RBM45: variants seen among roughly 807,000 people sequenced by gnomAD.
RBM45 encodes the protein RNA binding motif protein 45, also known as RNA-binding protein 45.
A neutral mutation model predicts 58.5 loss-of-function variants in RBM45; 39 were observed. The observed-to-expected ratio is 0.67, with a 90% confidence interval of 0.52 to 0.87. The LOEUF (loss-of-function observed/expected upper bound fraction) is 0.87, where lower values mean the gene tolerates loss of function less well. RBM45 is among the 40% of genes least tolerant of loss of function. The pLI, the probability that RBM45 is intolerant of heterozygous loss-of-function variation, is 0.00. For synonymous variants in RBM45, 193 were observed against 203.0 expected (o/e 0.95, Z 0.42); for missense variants, 481 against 581.6 (o/e 0.83, Z 1.78).
At chr2:178,124,600 G>C (rs970891006) in intron 8 of RBM45, among the ~76,000 whole-genome samples, 7 of 152,148 alleles carry the variant, frequency 4.6e-5, no homozygotes, top group African/African-American at 1.7e-4. Context: ...GATCGCTTGA[G>C]CTCAGGAGTT....
chr2:178,129,726 G>T (rs1574416503), downstream of RBM45: 1 of 152,612 alleles, frequency 6.6e-6, no homozygotes, highest in Non-Finnish European at 1.5e-5. Context: ...TTGACTAAAT[G>T]ACATATGTCA....
exon 4 of RBM45, chr2:178,138,365 C>T (rs920409725): frequency 1.3e-5 from 2 of 152,110 alleles, no homozygotes; most frequent in African/African-American, 4.8e-5. Context: ...ATCAAAAAGG[C>T]TGATTACAGA....
At chr2:178,133,830 A>C (rs955190975), downstream of RBM45, 1 of 152,242 alleles carries the variant, frequency 6.6e-6, no homozygotes, top group South Asian at 2.1e-4. Context: ...CTTGAATTCT[A>C]ATAAATGGAT....
At chr2:178,136,183 G>A (rs190940245) in intron 3 of RBM45, among the ~76,000 whole-genome samples, 121 of 152,278 alleles carry the variant, frequency 7.9e-4, no homozygotes, top group African/African-American at 2.5e-3. Flanking sequence ...GGTGGCGGGC[G>A]CCTGTAGTCC....
chr2:178,117,061 T>C (rs2087786277), intron 2 of RBM45, among the ~76,000 whole-genome samples: 1 of 152,182 alleles, frequency 6.6e-6, no homozygotes, highest in South Asian at 2.1e-4. Context: ...CACAAATTAT[T>C]AAAAAGCAAT....
exon 4 of RBM45, chr2:178,138,575 G>T (rs1426172052): frequency 6.6e-6 from 1 of 152,054 alleles, no homozygotes; most frequent in Admixed American, 6.6e-5. Context: ...AAAGGTAACA[G>T]GCATTCTGTG....
chr2:178,114,865 T>G (rs2087752377), intron 1 of RBM45, among the ~76,000 whole-genome samples: 1 of 152,166 alleles, frequency 6.6e-6, no homozygotes, highest in South Asian at 2.1e-4. Context: ...CCATTACAGT[T>G]GTGAGCCACC....
At chr2:178,137,152 A>C (rs945009071) in exon 4 of RBM45, 1 of 152,224 alleles carries the variant, frequency 6.6e-6, no homozygotes, top group Admixed American at 6.5e-5. Context: ...CAGAATGTTC[A>C]GCCGTATTAG....
Position 178,124,155 on chromosome 2 carries a change from T to A in RBM45, c.1097T>A (p.Leu366Ter). ...MQFGGSSGSQ[L>*]PQIQTDVVLP... ...TTTGGAGGAAGCTCTGGATCACAGT[T>A]GCCTCAAATCCAGACAGATGTTGTA... is the stretch of plus-strand genomic sequence containing the variant. The change falls in exon 8 of 10, where the codon TTG (leucine) becomes TAG (stop). Residue 366 changes from leucine (L) to a stop codon, truncating the protein, a stop_gained. Transcript: ENST00000286070. LOFTEE classifies it high-confidence loss of function. 1 of 1,598,262 alleles carries A rather than the reference T, an allele frequency of 6.3e-7. No homozygotes were observed. The highest frequency in any genetic ancestry group is 8.5e-7 in the Non-Finnish European group (1 of 1,175,962).
rs1249543688 is a variant in RBM45, at chr2:178,128,579, A to G, written c.*9-818A>G. Among the ~76,000 whole-genome samples the G allele has an allele frequency of 3.3e-5, 5 of 152,300 alleles. No individual in the cohort carries two copies. The East Asian group carries it at 9.6e-4, about 29-fold the overall frequency. ...TTCCCTTAAACTCATCCAATTTCCT[A>G]CATCAGAGGAATTGCATTTTCAGCA... On this transcript the variant is annotated intron_variant, in intron 9 of 9. Coordinates refer to ENST00000286070, the MANE Select transcript of RBM45 (RefSeq NM_152945.4).
chr2:178,113,651 A>G (rs976757759), intron 1 of RBM45, among the ~76,000 whole-genome samples: 1 of 152,180 alleles, frequency 6.6e-6, no homozygotes, highest in Non-Finnish European at 1.5e-5. Flanking sequence ...AGTGCCTCAC[A>G]CAGGGTAAGC....
At chr2:178,113,587 A>G (rs989603883) in intron 1 of RBM45, among the ~76,000 whole-genome samples, 1 of 152,222 alleles carries the variant, frequency 6.6e-6, no homozygotes, top group Non-Finnish European at 1.5e-5. Flanking sequence ...ATAATGACAC[A>G]TGGCAGGAAG....
chr2:178,128,248 C>G (rs1165276817), intron 9 of RBM45, among the ~76,000 whole-genome samples: 1 of 152,022 alleles, frequency 6.6e-6, no homozygotes, highest in Non-Finnish European at 1.5e-5. Context: ...CATCTGCCTT[C>G]CTCGGCCTCC....
chr2:178,123,957 T>G, intron 7 of RBM45, 45 bp downstream of exon 7: 2 of 1,547,534 alleles, frequency 1.3e-6, no homozygotes, highest in Non-Finnish European at 8.9e-7. Flanking sequence ...CAATAGCATA[T>G]AAAATAAATG....
chr2:178,124,720 G>A (rs958103963), intron 8 of RBM45, among the ~76,000 whole-genome samples: 3 of 152,134 alleles, frequency 2.0e-5, no homozygotes, highest in African/African-American at 7.2e-5. Context: ...AGGCTAAGGT[G>A]GCAGGATTGC....
At chr2:178,132,166 A>T (rs1240696863), downstream of RBM45, among the ~76,000 whole-genome samples, 1 of 152,222 alleles carries the variant, frequency 6.6e-6, no homozygotes, top group East Asian at 1.9e-4. Flanking sequence ...CTTCTTGTAA[A>T]TTCATTAACT....
intron 9 of RBM45, among the ~76,000 whole-genome samples, chr2:178,128,016 T>TTA (rs2153906377): frequency 6.9e-6 from 1 of 144,430 alleles, no homozygotes; most frequent in South Asian, 2.3e-4. Flanking sequence ...TTTTTTTTTT[T>TTA]TTTTTTAAAC....
At chr2:178,122,421 C>T (rs2087865776) in intron 5 of RBM45, among the ~76,000 whole-genome samples, 1 of 152,134 alleles carries the variant, frequency 6.6e-6, no homozygotes. Flanking sequence ...CATACAGACA[C>T]CCCCACATAC....
At chr2:178,125,665 T>G (rs1441266302) in intron 8 of RBM45, 2 of 505,678 alleles carry the variant, frequency 4.0e-6, no homozygotes, top group Non-Finnish European at 8.0e-6. Context: ...GAGGGGACTT[T>G]TAGGGAGTAA....
Sources: allele counts gnomAD v4.1 joint callset (sites outside exome capture counted in the v4.1 genomes callset), GRCh38; gene constraint gnomAD v4.1.1; transcripts MANE v1.5; gene names NCBI Gene and HGNC (gene_info 2026-07-23, HGNC 2026-07-21).